The following WDR12 variants were observed in gnomAD, a reference collection of about 807,000 sequenced individuals.
WDR12 encodes ribosome biogenesis protein WDR12.
In WDR12, 42 loss-of-function variants were observed where a neutral mutation model predicts 64.3. The observed-to-expected ratio is 0.65, with a 90% confidence interval of 0.51 to 0.84. The LOEUF is 0.84. Among genes scored for constraint, WDR12 ranks in the 40% least tolerant of loss-of-function variants. WDR12 has a pLI of 0.00. For synonymous variants in WDR12, 158 were observed against 173.3 expected, an observed-to-expected ratio of 0.91 and a Z score of 0.70; for missense variants, 469 against 494.6, an observed-to-expected ratio of 0.95 and a Z score of 0.49.
chr2:202,910,537 C>T (rs1688566637), intron 1 of WDR12, among the ~76,000 whole-genome samples: 1 of 151,524 alleles, frequency 6.6e-6, no homozygotes, highest in Non-Finnish European at 1.5e-5. Flanking sequence ...AAAACCAAAC[C>T]AAACAAACAA....
intron 2 of WDR12, among the ~76,000 whole-genome samples, chr2:202,906,015 A>G (rs763300563): frequency 2.0e-5 from 3 of 152,230 alleles, no homozygotes; most frequent in Non-Finnish European, 4.4e-5. Flanking sequence ...AAAAACAACG[A>G]AGAGTATAAT....
chr2:202,882,570 T>C (rs544344279), intron 12 of WDR12, 141 bp downstream of exon 12: 8 of 692,694 alleles, frequency 1.2e-5, no homozygotes, highest in African/African-American at 9.0e-5. Flanking sequence ...CCTCGTGATC[T>C]GCCCACCTTG....
rs1329550519 is a variant in WDR12, at chr2:202,895,500, G to C, written c.609+565C>G. Among the ~76,000 whole-genome samples the C allele has an allele frequency of 4.9e-5, 7 of 143,248 alleles. No homozygotes were observed. In the South Asian group the frequency reaches 1.4e-3, roughly 28 times the overall value. The allele number at this position is 143,248 out of a possible 152,430, so 94.0% of individuals were successfully genotyped here. On this transcript the variant is annotated intron_variant, in intron 6 of 12. Transcript: ENST00000261015. ...AGAAGGTTATATAAATGAATGGCTTGTTTACTTCATTTCTTTCTTTTTTTT... is the reference window on the plus strand; with the variant it reads ...AGAAGGTTATATAAATGAATGGCTTCTTTACTTCATTTCTTTCTTTTTTTT...
In WDR12 at chr2:202,894,598, A is replaced by T; in HGVS notation, c.638T>A (p.Leu213Gln). 1 of 1,607,492 alleles carries T rather than the reference A, an allele frequency of 6.2e-7. No homozygotes were observed. The highest frequency in any genetic ancestry group is 1.1e-5 in the South Asian group (1 of 89,728). ...KFCSGSWDKMLKIWSTVPTDE... is the reference protein window; with the variant it reads ...KFCSGSWDKMQKIWSTVPTDE... ...TAATTTACCTGTAGACCAGATCTTT[A>T]GCATCTTATCCCAGGAGCCACTGCA... Residue 213 changes from leucine to glutamine, a missense_variant, in exon 7 of 13, where the codon CTA becomes CAA. Coordinates refer to ENST00000261015, the MANE Select transcript of WDR12 (RefSeq NM_018256.4).
At position 202,874,636 on chromosome 2, in the gene WDR12, T is replaced by C. The variant is rs1006528302; in HGVS notation, c.*6224A>G. On this transcript the variant is annotated 3_prime_UTR_variant, in exon 13 of 13. Coordinates refer to ENST00000261015, the MANE Select transcript of WDR12 (RefSeq NM_018256.4). ...ACATCACACAAAAAGCTCTATTTCT[T>C]CAAGGCATTCCAGTTTCTTTGTAAT... The C allele has an allele frequency of 6.6e-6, 1 of 152,228 alleles. No individual in the cohort carries two copies. The highest frequency in any genetic ancestry group is 2.4e-5 in the African/African-American group (1 of 41,464). 9.4% of individuals were successfully genotyped at this position (152,228 alleles called of 1,614,324 possible).
chr2:202,888,721 T>C (rs75830030), intron 8 of WDR12, among the ~76,000 whole-genome samples: 2,898 of 152,318 alleles, frequency 0.019, 42 homozygotes, highest in Middle Eastern at 0.044. Flanking sequence ...AATTTTTCTT[T>C]GCTTTTTTTG....
intron 8 of WDR12, among the ~76,000 whole-genome samples, chr2:202,891,265 G>A (rs1161851208): frequency 6.6e-6 from 1 of 152,130 alleles, no homozygotes; most frequent in African/African-American, 2.4e-5. Context: ...TCTGCCTCCT[G>A]GGCTGGGCGT....
intron 4 of WDR12, among the ~76,000 whole-genome samples, chr2:202,899,279 C>T (rs967523406): frequency 4.0e-5 from 6 of 151,854 alleles, no homozygotes; most frequent in African/African-American, 4.8e-5. Flanking sequence ...CTCCCAACCT[C>T]GTAATCCACC....
chr2:202,886,526 T>A (rs1020478903), intron 8 of WDR12, among the ~76,000 whole-genome samples: 61 of 151,450 alleles, frequency 4.0e-4, no homozygotes, highest in African/African-American at 1.4e-3. Context: ...CCCAGAACTT[T>A]GGGAGGCCGA....
intron 8 of WDR12, among the ~76,000 whole-genome samples, chr2:202,885,160 A>T (rs1363047974): frequency 6.6e-6 from 1 of 152,182 alleles, no homozygotes; most frequent in Non-Finnish European, 1.5e-5. Context: ...GGGATCCCTC[A>T]GCTGTACTGC....
chr2:202,899,100 TG>T (rs1688303961), intron 4 of WDR12, among the ~76,000 whole-genome samples: 1 of 129,174 alleles, frequency 7.7e-6, no homozygotes, highest in African/African-American at 2.8e-5. Context: ...TTGAGTGCAG[TG>T]GGGCCATCTC....
At chr2:202,906,387 C>T (rs1361846870) in intron 2 of WDR12, among the ~76,000 whole-genome samples, 1 of 152,168 alleles carries the variant, frequency 6.6e-6, no homozygotes, top group African/African-American at 2.4e-5. Context: ...CCTCCTCCCC[C>T]ACCCCAAGCC....
chr2:202,903,848 T>C (rs1460623232), intron 2 of WDR12, among the ~76,000 whole-genome samples: 2 of 151,686 alleles, frequency 1.3e-5, no homozygotes, highest in African/African-American at 2.4e-5. Flanking sequence ...ATGAAAGACA[T>C]TGAAGAGGGC....
intron 2 of WDR12, among the ~76,000 whole-genome samples, chr2:202,901,851 T>G (rs1688354201): frequency 6.6e-6 from 1 of 152,150 alleles, no homozygotes; most frequent in African/African-American, 2.4e-5. Context: ...TTCAGGGTTT[T>G]TTGGGTTTTT....
intron 12 of WDR12, 51 bp from the exon 13 acceptor site, chr2:202,880,988 T>TTATG: frequency 6.9e-7 from 1 of 1,456,722 alleles, no homozygotes; most frequent in Non-Finnish European, 9.4e-7. Context: ...ATATAATTAT[T>TTATG]TCACATCATA....
rs568899096 is a variant in WDR12, at chr2:202,910,774, T to C, written c.41+662A>G. On this transcript the variant is annotated intron_variant, in intron 1 of 12. Transcript: ENST00000261015. ...GAAGATGATTTACTAGCTCTCCTCA[T>C]AAAGCTACAAACAAAACCACAGATG... 1.0e-3 allele frequency among the ~76,000 whole-genome samples: 156 copies of C among 152,312 alleles called. 1 individual carries two copies. Among genetic ancestry groups the C allele is most frequent in the Non-Finnish European group, 1.9e-3 (132 of 68,032 alleles).
chr2:202,903,927 C>G (rs1000458841), intron 2 of WDR12, among the ~76,000 whole-genome samples: 1 of 151,928 alleles, frequency 6.6e-6, no homozygotes, highest in Non-Finnish European at 1.5e-5. Flanking sequence ...CACCTGAGGT[C>G]AGGAGCTCGT....
At chr2:202,910,504 C>G (rs1384135119) in intron 1 of WDR12, among the ~76,000 whole-genome samples, 1 of 152,014 alleles carries the variant, frequency 6.6e-6, no homozygotes, top group African/African-American at 2.4e-5. Flanking sequence ...GCCTGGGCAA[C>G]AGAGTGAGAC....
At chr2:202,884,598 A>G in intron 8 of WDR12, 63 bp from the exon 9 acceptor site, 1 of 1,505,718 alleles carries the variant, frequency 6.6e-7, no homozygotes, top group South Asian at 1.3e-5. Flanking sequence ...AAACAATAAT[A>G]GTACTTATTA....
Sources: gnomAD v4.1 joint callset for allele counts (sites outside exome capture counted in the v4.1 genomes callset) on GRCh38, gnomAD v4.1.1 for gene constraint, MANE v1.5 for transcripts, NCBI Gene and HGNC (gene_info 2026-07-23, HGNC 2026-07-21) for gene names.